The following SFSWAP variants were observed in gnomAD, a reference collection of about 807,000 sequenced individuals.
SFSWAP encodes the protein splicing factor, suppressor of white-apricot homolog.
A neutral mutation model predicts 100.7 loss-of-function variants in SFSWAP; 17 were observed. That is an observed-to-expected ratio of 0.17 (90% CI 0.12 to 0.25). The LOEUF (loss-of-function observed/expected upper bound fraction) is 0.25. Among genes scored for constraint, SFSWAP ranks in the 10% least tolerant of loss-of-function variants. The probability of loss-of-function intolerance (pLI) is 1.00; values close to 1 mark genes in which losing one functional copy is unlikely to be tolerated. For synonymous variants in SFSWAP, 504 were observed against 510.1 expected (o/e 0.99, Z 0.16); for missense variants, 1,005 against 1,262.6 (o/e 0.80, Z 3.09).
At chr12:131,766,926 C>T (rs1226306216) in intron 13 of SFSWAP, among the ~76,000 whole-genome samples, 4 of 152,180 alleles carry the variant, frequency 2.6e-5, no homozygotes, top group East Asian at 3.9e-4. Context: ...GACACTGGCT[C>T]CTGAGTGCCA....
Position 131,797,365 on chromosome 12 carries a change from C to A in SFSWAP, c.2717+5C>A. 1 of 1,599,668 alleles carries A rather than the reference C, an allele frequency of 6.3e-7. No individual in the cohort carries two copies. Among genetic ancestry groups the A allele is most frequent in the East Asian group, 2.2e-5 (1 of 44,594 alleles). Reference sequence around the variant, plus strand: ...CTCCAGCCAGGAGCGCTCCAGGTAACCCCTGTCCTCCAGCAGCTCTCTCTG... The same window carrying A: ...CTCCAGCCAGGAGCGCTCCAGGTAAACCCTGTCCTCCAGCAGCTCTCTCTG... On this transcript the variant is annotated splice_donor_5th_base_variant and intron_variant, in intron 16 of 17. Transcript: ENST00000261674.
chr12:131,775,284 CCTT>C (rs1469011191), intron 13 of SFSWAP, among the ~76,000 whole-genome samples: 4 of 152,316 alleles, frequency 2.6e-5, no homozygotes, highest in Admixed American at 1.3e-4. Flanking sequence ...TCTCAGCTCT[CCTT>C]CTCTTCAGCT....
At chr12:131,712,694 G>C (rs1394123152) in intron 1 of SFSWAP, 1 of 152,208 alleles carries the variant, frequency 6.6e-6, no homozygotes. Context: ...CGCGGAATCA[G>C]ATCATGTCTG....
chr12:131,749,954 A>C (rs1881469914), intron 7 of SFSWAP, among the ~76,000 whole-genome samples: 1 of 152,200 alleles, frequency 6.6e-6, no homozygotes, highest in Non-Finnish European at 1.5e-5. Flanking sequence ...CACTGGAGAT[A>C]AGCTGAATAG....
intron 15 of SFSWAP, among the ~76,000 whole-genome samples, chr12:131,789,352 G>A (rs1378068643): frequency 6.6e-6 from 1 of 152,038 alleles, no homozygotes; most frequent in Non-Finnish European, 1.5e-5. Flanking sequence ...TAACTTATAG[G>A]CAAGTTTTTA....
At chr12:131,782,372 T>C (rs928494882) in intron 14 of SFSWAP, among the ~76,000 whole-genome samples, 4 of 152,212 alleles carry the variant, frequency 2.6e-5, no homozygotes, top group African/African-American at 7.2e-5. Context: ...GGTGGTGATC[T>C]CCTCAGTAAT....
At position 131,769,604 on chromosome 12, in the gene SFSWAP, A is replaced by ATTTAT. The variant is rs377501988; in HGVS notation, c.2142+3309_2142+3313dup. 9.8e-3 allele frequency among the ~76,000 whole-genome samples: 1,485 copies of ATTTAT among 152,036 alleles called. 26 individuals carry two copies. Among genetic ancestry groups the ATTTAT allele is most frequent in the African/African-American group, 0.033 (1,349 of 41,466 alleles). On this transcript the variant is annotated intron_variant, in intron 13 of 17. Coordinates refer to ENST00000261674, the MANE Select transcript of SFSWAP (RefSeq NM_004592.4). ...TACAGCTTAGGTCTGTGTCCTATTT[A>ATTTAT]TTTATTTTATTTTATTTATTTATTT...
chr12:131,756,379 T>C, intron 10 of SFSWAP, 94 bp from the exon 11 acceptor site: 1 of 1,085,120 alleles, frequency 9.2e-7, no homozygotes, highest in Non-Finnish European at 1.4e-6. Context: ...ACAATTGCCG[T>C]TGTCCAGTGA....
At position 131,797,304 on chromosome 12, in the gene SFSWAP, G is replaced by A. The variant is rs752418087; in HGVS notation, c.2661G>A (p.Ala887=). ...PRPAAPAAHS[A]HSASVSPVES... is the part of the protein sequence containing the mutation. ...CCGCGGCCCCCGCGGCCCACTCGGC[G>A]CACTCAGCCAGCGTCTCCCCTGTGG... The change falls in exon 16 of 18, where the codon GCG becomes GCA. Residue 887 remains alanine, a synonymous_variant. Coordinates refer to ENST00000261674, the MANE Select transcript of SFSWAP (RefSeq NM_004592.4). 6.0e-5 allele frequency: 96 copies of A among 1,611,216 alleles called. 1 individual carries two copies. The Admixed American group carries it at 1.0e-3, about 17-fold the overall frequency.
At chr12:131,781,003 C>T (rs1884457665) in intron 14 of SFSWAP, among the ~76,000 whole-genome samples, 1 of 152,066 alleles carries the variant, frequency 6.6e-6, no homozygotes, top group Admixed American at 6.5e-5. Context: ...ATGCCGTGGC[C>T]CCCAGCTTTT....
At chr12:131,781,297 G>A (rs1169834258) in intron 14 of SFSWAP, among the ~76,000 whole-genome samples, 2 of 146,384 alleles carry the variant, frequency 1.4e-5, no homozygotes, top group Non-Finnish European at 3.0e-5. Flanking sequence ...GAGTGCAGTG[G>A]CGCGATCTCT....
At chr12:131,720,824 C>G (rs1444689223) in intron 4 of SFSWAP, among the ~76,000 whole-genome samples, 1 of 152,174 alleles carries the variant, frequency 6.6e-6, no homozygotes, top group African/African-American at 2.4e-5. Flanking sequence ...TTTATTCTTT[C>G]AAATATGGGT....
At position 131,799,097 on chromosome 12, in the gene SFSWAP, C is replaced by T. The variant is rs1885883698; in HGVS notation, c.2778C>T (p.Ser926=). Residue 926 remains serine (S), a synonymous_variant, in exon 17 of 18, where the codon AGC becomes AGT. Coordinates refer to ENST00000261674, the MANE Select transcript of SFSWAP (RefSeq NM_004592.4). ...ISSAIVSSVQ[S]KITQDLMAKV... is the part of the protein sequence containing the mutation. ...CAGCAATCGTTTCTTCCGTGCAGAG[C>T]AAAATCACTCAGGTCAGTGGGCACG... 1 of 1,613,668 alleles carries T rather than the reference C, an allele frequency of 6.2e-7. No individual in the cohort carries two copies. The highest frequency in any genetic ancestry group is 1.1e-5 in the South Asian group (1 of 91,084).
At chr12:131,799,302 G>C in intron 17 of SFSWAP, 121 bp from the exon 18 acceptor site, 1 of 1,152,800 alleles carries the variant, frequency 8.7e-7, no homozygotes, top group African/African-American at 1.5e-5. Flanking sequence ...AGGCTCCTCC[G>C]CCGCCCCCAC....
intron 12 of SFSWAP, 46 bp from the exon 13 acceptor site, chr12:131,766,072 T>C (rs545061427): frequency 1.3e-6 from 2 of 1,552,316 alleles, no homozygotes; most frequent in Admixed American, 2.1e-5. Context: ...TCAGATAAAA[T>C]ACTGTTTGCT....
chr12:131,731,969 G>A (rs1879558591), intron 7 of SFSWAP, among the ~76,000 whole-genome samples: 3 of 137,064 alleles, frequency 2.2e-5, no homozygotes, highest in Admixed American at 8.3e-5. Flanking sequence ...GAGTGCAGTG[G>A]TGCAATCTCG....
At chr12:131,747,581 C>G (rs1018021647) in intron 7 of SFSWAP, among the ~76,000 whole-genome samples, 3 of 152,184 alleles carry the variant, frequency 2.0e-5, no homozygotes, top group African/African-American at 7.2e-5. Flanking sequence ...GGGTGGAAAA[C>G]CCGGGGCAGG....
intron 7 of SFSWAP, among the ~76,000 whole-genome samples, chr12:131,742,382 C>T (rs1593136567): frequency 6.6e-6 from 1 of 152,188 alleles, no homozygotes; most frequent in South Asian, 2.1e-4. Flanking sequence ...TTGAGGGTCA[C>T]TGATGAAAAT....
chr12:131,755,444 T>A lies in SFSWAP; in HGVS notation c.1513T>A (p.Phe505Ile), dbSNP rs201084699. 24 of 1,613,984 alleles carry A rather than the reference T, an allele frequency of 1.5e-5. No homozygotes were observed. The highest frequency in any genetic ancestry group is 1.9e-5 in the Non-Finnish European group (23 of 1,179,918). ...TGCTTATTATGAGTTTAAGAAGCAG[T>A]TCTTCCTCCAGAAAGAAGGGGGCGA... is the stretch of plus-strand genomic sequence containing the variant. Reference protein sequence around the residue: ...YNAYYEFKKQFFLQKEGGDSM... With the variant: ...YNAYYEFKKQIFLQKEGGDSM... Residue 505 changes from phenylalanine (F) to isoleucine (I), a missense_variant, in exon 10 of 18, where the codon TTC becomes ATC. Physicochemically the swap from Phe to Ile is conservative, Grantham distance 21 (BLOSUM62 0). Transcript: ENST00000261674.
Sources: allele counts gnomAD v4.1 joint callset (sites outside exome capture counted in the v4.1 genomes callset), GRCh38; gene constraint gnomAD v4.1.1; transcripts MANE v1.5; gene names NCBI Gene and HGNC (gene_info 2026-07-23, HGNC 2026-07-21).